The following PSPC1 variants were observed in gnomAD, a reference collection of about 807,000 sequenced individuals.
PSPC1 encodes the protein paraspeckle protein 1.
Under a neutral mutation model 51.6 loss-of-function variants are expected in PSPC1, and 14 were observed. That is an observed-to-expected ratio of 0.27 (90% CI 0.18 to 0.42). The LOEUF (loss-of-function observed/expected upper bound fraction) is 0.42. Ranked by LOEUF, PSPC1 falls within the 10% of genes least tolerant of loss-of-function variation. PSPC1 has a pLI of 1.00. For synonymous variants in PSPC1, 193 were observed against 231.9 expected, an observed-to-expected ratio of 0.83 and a Z score of 1.53; for missense variants, 406 against 701.1, an observed-to-expected ratio of 0.58 and a Z score of 4.75.
intron 4 of PSPC1, among the ~76,000 whole-genome samples, chr13:19,750,753 T>C (rs1445610127): frequency 6.7e-6 from 1 of 149,478 alleles, no homozygotes; most frequent in Admixed American, 6.9e-5. Flanking sequence ...ACACTACTGC[T>C]TGCATAAGTA....
At chr13:19,730,960 A>AAC (rs1308876416) in intron 5 of PSPC1, among the ~76,000 whole-genome samples, 453 of 24,186 alleles carry the variant, frequency 0.019, 10 homozygotes, top group South Asian at 0.032. Flanking sequence ...AAAAAAACAA[A>AAC]AAAACAAAAA....
chr13:19,775,540 AATTTT>A (rs1889028700), intron 1 of PSPC1, among the ~76,000 whole-genome samples: 1 of 152,190 alleles, frequency 6.6e-6, no homozygotes, highest in Admixed American at 6.5e-5. Context: ...AGCATCTACG[AATTTT>A]AGTACTGGAG....
At chr13:19,719,992 G>C (rs943361294) in intron 6 of PSPC1, among the ~76,000 whole-genome samples, 1 of 152,130 alleles carries the variant, frequency 6.6e-6, no homozygotes, top group African/African-American at 2.4e-5. Context: ...AATTTTATTT[G>C]TAATGCATAC....
At chr13:19,762,906 G>C (rs1346803506) in intron 2 of PSPC1, among the ~76,000 whole-genome samples, 1 of 152,088 alleles carries the variant, frequency 6.6e-6, no homozygotes, top group East Asian at 1.9e-4. Context: ...AGGAGTTTGA[G>C]ACCAGCCTGA....
intron 6 of PSPC1, among the ~76,000 whole-genome samples, chr13:19,721,509 A>G (rs1437795413): frequency 6.6e-6 from 1 of 152,224 alleles, no homozygotes; most frequent in Non-Finnish European, 1.5e-5. Context: ...TAATAAACAA[A>G]TCACATCATT....
chr13:19,707,455 T>A (rs1226917419), intron 7 of PSPC1, among the ~76,000 whole-genome samples: 2 of 152,214 alleles, frequency 1.3e-5, no homozygotes, highest in Admixed American at 1.3e-4. Flanking sequence ...CTGCTGCCAC[T>A]TTCCATCAAT....
At position 19,719,878 on chromosome 13, in the gene PSPC1, CACT is replaced by C. The variant is rs1882561096; in HGVS notation, c.1159-10282_1159-10280del. Among the ~76,000 whole-genome samples, 4 of 152,238 alleles carry C rather than the reference CACT, an allele frequency of 2.6e-5. No individual in the cohort carries two copies. The South Asian group carries it at 8.3e-4, about 32-fold the overall frequency. On this transcript the variant is annotated intron_variant, in intron 6 of 8. Transcript: ENST00000338910. ...CTGAGATTTTAAGAGACGGGCCTCT[CACT>C]ATGTTGCCCGAGCTGGCCTTGAATT...
At chr13:19,703,734 A>T (rs2137726367) in intron 8 of PSPC1, among the ~76,000 whole-genome samples, 1 of 152,230 alleles carries the variant, frequency 6.6e-6, no homozygotes, top group Middle Eastern at 3.4e-3. Context: ...ATACGTTCTT[A>T]AAAAAATCAG....
chr13:19,762,452 C>A (rs1341153721), intron 2 of PSPC1, among the ~76,000 whole-genome samples: 1 of 152,002 alleles, frequency 6.6e-6, no homozygotes, highest in Non-Finnish European at 1.5e-5. Flanking sequence ...CCCAGCTACT[C>A]GGGAGGCTGA....
intron 5 of PSPC1, among the ~76,000 whole-genome samples, chr13:19,730,957 CAAAAAAACAAAAAAAA>C (rs1199257591): frequency 2.7e-5 from 1 of 36,956 alleles, no homozygotes; most frequent in Non-Finnish European, 5.4e-5. Flanking sequence ...AAAAAAAAAA[CAAAAAAACAAAAAAAA>C]AAAAAACAGA....
At chr13:19,740,313 A>T (rs1241484277) in intron 5 of PSPC1, among the ~76,000 whole-genome samples, 1 of 152,054 alleles carries the variant, frequency 6.6e-6, no homozygotes. Flanking sequence ...ATTGCACTCC[A>T]GCCTGGGCAA....
At chr13:19,727,255 A>G (rs531330291) in intron 6 of PSPC1, among the ~76,000 whole-genome samples, 1 of 152,052 alleles carries the variant, frequency 6.6e-6, no homozygotes, top group Non-Finnish European at 1.5e-5. Flanking sequence ...TTAGCTGGGC[A>G]TGGTGGCAGG....
At chr13:19,732,604 C>A (rs561982450) in intron 5 of PSPC1, among the ~76,000 whole-genome samples, 74 of 152,246 alleles carry the variant, frequency 4.9e-4, no homozygotes, top group African/African-American at 1.7e-3. Context: ...AATGGATTCA[C>A]GTCAGATTGC....
In PSPC1 at chr13:19,782,336, G is replaced by T. The variant is rs773754157; in HGVS notation, c.372+50C>A. On this transcript the variant is annotated intron_variant, in intron 1 of 8. Coordinates refer to ENST00000338910, the MANE Select transcript of PSPC1 (RefSeq NM_001354909.2). The surrounding 1 kb of genome is among the most constrained non-coding windows in gnomAD (Gnocchi z 4.5). ...GCTGGCCTCAGCCCCACGACCCCGC[G>T]GCCACCCCGACAGTCCTTTTGTTCC... is the stretch of plus-strand genomic sequence containing the variant. 6.6e-7 allele frequency: 1 copy of T among 1,520,628 alleles called. No homozygotes were observed. The highest frequency in any genetic ancestry group is 8.8e-7 in the Non-Finnish European group (1 of 1,136,222). The allele number at this position is 1,520,628 out of a possible 1,614,324, so 94.2% of individuals were successfully genotyped here. A position where few individuals can be genotyped will look rare whatever the true frequency, so the allele number is the denominator to read the frequency against.
At chr13:19,757,972 C>T (rs1195719923) in intron 3 of PSPC1, among the ~76,000 whole-genome samples, 2 of 151,802 alleles carry the variant, frequency 1.3e-5, no homozygotes, top group Admixed American at 6.6e-5. Flanking sequence ...TTGATGTGTT[C>T]GTTGCACAGC....
intron 4 of PSPC1, 31 bp from the exon 5 acceptor site, chr13:19,741,680 T>G (rs1481440634): frequency 7.1e-7 from 1 of 1,402,208 alleles, no homozygotes; most frequent in East Asian, 2.3e-5. Context: ...ATTAATATTT[T>G]TAGTTTCCCT....
intron 5 of PSPC1, among the ~76,000 whole-genome samples, chr13:19,732,681 C>T (rs533045706): frequency 1.3e-5 from 2 of 152,090 alleles, no homozygotes; most frequent in Non-Finnish European, 2.9e-5. Flanking sequence ...TAATCCCACA[C>T]TTTGGGAGCC....
chr13:19,716,040 A>G (rs1882054871), intron 6 of PSPC1, among the ~76,000 whole-genome samples: 1 of 152,144 alleles, frequency 6.6e-6, no homozygotes. Flanking sequence ...AAAAATAAAA[A>G]AATTAAATTC....
chr13:19,779,316 T>G, intron 1 of PSPC1, among the ~76,000 whole-genome samples: 2 of 92,684 alleles, frequency 2.2e-5, no homozygotes, highest in Middle Eastern at 6.9e-3. Context: ...AGCCGCCCCA[T>G]CCGGGAGGGA....
Sources: allele counts gnomAD v4.1 joint callset (sites outside exome capture counted in the v4.1 genomes callset), GRCh38; gene constraint gnomAD v4.1.1; non-coding constraint Gnocchi (gnomAD v3.1); transcripts MANE v1.5; gene names NCBI Gene and HGNC (gene_info 2026-07-23, HGNC 2026-07-21).